The following UGT2B7 variants were observed in gnomAD, a reference collection of about 807,000 sequenced individuals.
The protein encoded by UGT2B7 is UDP-glucuronosyltransferase 2B7.
UGT2B7 carries 51 observed loss-of-function variants against 51.9 expected under a neutral mutation model. That is an observed-to-expected ratio of 0.98 (90% CI 0.78 to 1.24). The LOEUF is 1.24. Among genes scored for constraint, UGT2B7 ranks in the 50% most tolerant of loss-of-function variants. The pLI, the probability that UGT2B7 is intolerant of heterozygous loss-of-function variation, is 0.00. For missense variants in UGT2B7, 727 were observed against 628.4 expected (o/e 1.16, Z -1.68); for synonymous variants, 225 against 211.6 (o/e 1.06, Z -0.55).
chr4:69,055,844 T>A (rs1305659731), intron 1 of UGT2B7, among the ~76,000 whole-genome samples: 1 of 152,190 alleles, frequency 6.6e-6, no homozygotes, highest in Non-Finnish European at 1.5e-5. Flanking sequence ...GATTCGCTCA[T>A]CCTGTAAGGC....
chr4:69,092,471 G>T (rs528285621), upstream of UGT2B7, among the ~76,000 whole-genome samples: 125 of 152,104 alleles, frequency 8.2e-4, no homozygotes, highest in African/African-American at 2.8e-3. Flanking sequence ...TCCCTTTTGT[G>T]CTCACACTTA....
At chr4:69,060,273 C>T (rs192458358) in intron 1 of UGT2B7, among the ~76,000 whole-genome samples, 8 of 152,302 alleles carry the variant, frequency 5.3e-5, no homozygotes, top group African/African-American at 1.9e-4. Context: ...CTATATAAGC[C>T]AAAGGAAAAG....
At chr4:69,075,382 T>C (rs1718681018) in intron 1 of UGT2B7, among the ~76,000 whole-genome samples, 1 of 152,154 alleles carries the variant, frequency 6.6e-6, no homozygotes, top group South Asian at 2.1e-4. Context: ...CTTCTACTTA[T>C]ACCTTTTCCT....
At chr4:69,085,487 T>C (rs1400722257) in intron 1 of UGT2B7, among the ~76,000 whole-genome samples, 1 of 152,144 alleles carries the variant, frequency 6.6e-6, no homozygotes, top group East Asian at 1.9e-4. Flanking sequence ...CATTTGTCAA[T>C]TTTGACTTTG....
chr4:69,076,792 T>A (rs1486740342), intron 1 of UGT2B7, among the ~76,000 whole-genome samples: 1 of 152,236 alleles, frequency 6.6e-6, no homozygotes, highest in African/African-American at 2.4e-5. Context: ...TTTAATTAGA[T>A]CCCATTTGTG....
intron 3 of UGT2B7, among the ~76,000 whole-genome samples, chr4:69,106,942 A>T (rs1719618682): frequency 6.6e-6 from 1 of 151,388 alleles, no homozygotes; most frequent in Admixed American, 6.6e-5. Context: ...TGAAATTTTC[A>T]TTGATAATCT....
Position 69,078,779 on chromosome 4 carries a change from A to G in UGT2B7, c.-158-10693A>G, listed in dbSNP as rs1718772205. Among the ~76,000 whole-genome samples the G allele has an allele frequency of 2.0e-5, 3 of 152,070 alleles. No homozygotes were observed. The South Asian group carries it at 6.2e-4, about 32-fold the overall frequency. ...TGGGTTGGAAGCTCTTGCAGATGTG[A>G]TCCATCTGGCTATGGAAGGTGGGGA... On this transcript the variant is annotated intron_variant, in intron 1 of 5. Coordinates refer to the UGT2B7 transcript ENST00000502942.
chr4:69,092,271 A>C (rs2109880122), upstream of UGT2B7, among the ~76,000 whole-genome samples: 1 of 152,326 alleles, frequency 6.6e-6, no homozygotes, highest in South Asian at 2.1e-4. Context: ...TTCCTGGCTT[A>C]TCATCTGGTA....
At chr4:69,083,002 T>C (rs1176513449) in intron 1 of UGT2B7, among the ~76,000 whole-genome samples, 1 of 152,118 alleles carries the variant, frequency 6.6e-6, no homozygotes, top group Admixed American at 6.6e-5. Flanking sequence ...TTGAGAATTA[T>C]GAGTTGAGAG....
At chr4:69,090,741 T>G (rs947087930) in intron 2 of UGT2B7, among the ~76,000 whole-genome samples, 2 of 152,152 alleles carry the variant, frequency 1.3e-5, no homozygotes, top group Non-Finnish European at 2.9e-5. Flanking sequence ...TCGCCTGTTT[T>G]GGTTACAAAC....
At position 69,088,056 on chromosome 4, in the gene UGT2B7, C is replaced by G. The variant is rs144005750; in HGVS notation, c.-158-1416C>G. 2.0e-5 allele frequency among the ~76,000 whole-genome samples: 3 copies of G among 152,040 alleles called. No homozygotes were observed. In the East Asian group the frequency reaches 5.8e-4, roughly 29 times the overall value. On this transcript the variant is annotated intron_variant, in intron 1 of 5. Transcript: ENST00000502942. The stretch of plus-strand genomic sequence containing the variant: ...TATTTCTTATCTCCTTTAAGAACTC[C>G]TATTATATGGAGGTAGTTTTCTTAA...
intron 1 of UGT2B7, among the ~76,000 whole-genome samples, chr4:69,084,656 C>G (rs975461130): frequency 4.6e-5 from 7 of 152,006 alleles, no homozygotes; most frequent in Admixed American, 4.6e-4. Context: ...TGTGATGTAT[C>G]CCTCCATGTG....
intron 3 of UGT2B7, 37 bp downstream of exon 3, chr4:69,102,975 G>C: frequency 1.3e-6 from 2 of 1,591,838 alleles, no homozygotes. Context: ...GAAAACTACT[G>C]AAAGAGGCTG....
At chr4:69,080,189 C>T (rs1397237227) in intron 1 of UGT2B7, among the ~76,000 whole-genome samples, 1 of 152,058 alleles carries the variant, frequency 6.6e-6, no homozygotes. Context: ...CAAAGCACAA[C>T]AACATTAACA....
At chr4:69,077,090 T>C (rs1241167138) in intron 1 of UGT2B7, among the ~76,000 whole-genome samples, 1 of 152,184 alleles carries the variant, frequency 6.6e-6, no homozygotes, top group Non-Finnish European at 1.5e-5. Context: ...CAGGTGGTTG[T>C]ATATGTGTGG....
chr4:69,060,657 G>T (rs1718325670), intron 1 of UGT2B7, among the ~76,000 whole-genome samples: 1 of 152,202 alleles, frequency 6.6e-6, no homozygotes, highest in East Asian at 1.9e-4. Context: ...TGAATTCTGT[G>T]GCACCTGGAT....
At chr4:69,062,395 G>A (rs755298620) in intron 1 of UGT2B7, among the ~76,000 whole-genome samples, 5 of 152,178 alleles carry the variant, frequency 3.3e-5, no homozygotes, top group South Asian at 2.1e-4. Context: ...ATGGCTAAGC[G>A]CAGGAAAGAA....
At chr4:69,064,040 G>GA (rs970269165) in intron 1 of UGT2B7, among the ~76,000 whole-genome samples, 2 of 85,818 alleles carry the variant, frequency 2.3e-5, no homozygotes, top group African/African-American at 1.3e-4. Flanking sequence ...AAGAAAGAAA[G>GA]AAAGAAAGAA....
chr4:69,111,945 G>A (rs1028010127), intron 5 of UGT2B7, among the ~76,000 whole-genome samples: 2 of 152,058 alleles, frequency 1.3e-5, no homozygotes, highest in Non-Finnish European at 2.9e-5. Context: ...ACTTGATATG[G>A]ACAGGCAAAT....
Sources: gnomAD v4.1 joint callset for allele counts (sites outside exome capture counted in the v4.1 genomes callset) on GRCh38, gnomAD v4.1.1 for gene constraint, MANE v1.5 for transcripts, NCBI Gene and HGNC (gene_info 2026-07-23, HGNC 2026-07-21) for gene names.